PTGES3: variants seen among roughly 807,000 people sequenced by gnomAD.
The protein encoded by PTGES3 is Hsp90 co-chaperone.
In PTGES3, 5 loss-of-function variants were observed where a neutral mutation model predicts 29.9. The ratio of observed to expected loss-of-function variants is 0.17; its 90% CI spans 0.09 to 0.35. PTGES3 has a LOEUF of 0.35. Among genes scored for constraint, PTGES3 ranks in the 10% least tolerant of loss-of-function variants. The probability of loss-of-function intolerance (pLI) is 1.00; values close to 1 mark genes in which losing one functional copy is unlikely to be tolerated. For synonymous variants in PTGES3, 49 were observed against 57.8 expected, an observed-to-expected ratio of 0.85 and a Z score of 0.69; for missense variants, 128 against 190.0, an observed-to-expected ratio of 0.67 and a Z score of 1.92.
intron 1 of PTGES3, among the ~76,000 whole-genome samples, chr12:56,680,379 T>C (rs1952474081): frequency 6.7e-6 from 1 of 148,834 alleles, no homozygotes; most frequent in African/African-American, 2.5e-5. Context: ...CCAACCCAAT[T>C]TTCTTTCTTT....
At chr12:56,665,405 C>G in intron 6 of PTGES3, 1 of 863,540 alleles carries the variant, frequency 1.2e-6, no homozygotes, top group Non-Finnish European at 1.4e-6. Flanking sequence ...AGCGATTCTC[C>G]TGCCTCAGCC....
At chr12:56,675,568 G>C (rs973905410) in intron 1 of PTGES3, among the ~76,000 whole-genome samples, 1 of 150,520 alleles carries the variant, frequency 6.6e-6, no homozygotes, top group Non-Finnish European at 1.5e-5. Flanking sequence ...GATATTTGTG[G>C]CCTGCAAAGC....
At position 56,677,966 on chromosome 12, in the gene PTGES3, T is replaced by C. The variant is rs550737479; in HGVS notation, c.3-4901A>G. Among the ~76,000 whole-genome samples the C allele has an allele frequency of 1.5e-3, 229 of 152,250 alleles. 1 individual carries two copies. The highest frequency in any genetic ancestry group is 5.3e-3 in the African/African-American group (219 of 41,558). On this transcript the variant is annotated intron_variant, in intron 1 of 7. Coordinates refer to ENST00000262033, the MANE Select transcript of PTGES3 (RefSeq NM_006601.7). ...TAGCAGGTTTATTCAGAAAGTTTTATAGTACTACAGCTGATTACAGAAGAT... is the reference window on the plus strand; with the variant it reads ...TAGCAGGTTTATTCAGAAAGTTTTACAGTACTACAGCTGATTACAGAAGAT...
At chr12:56,681,800 T>G (rs1159189078) in intron 1 of PTGES3, among the ~76,000 whole-genome samples, 1 of 151,382 alleles carries the variant, frequency 6.6e-6, no homozygotes, top group Non-Finnish European at 1.5e-5. Context: ...GAGCTTGCAG[T>G]GAGCCGAAAT....
intron 1 of PTGES3, among the ~76,000 whole-genome samples, chr12:56,681,920 C>T (rs1222439903): frequency 3.9e-5 from 6 of 152,064 alleles, no homozygotes; most frequent in Non-Finnish European, 8.8e-5. Context: ...TCTCGGCTCA[C>T]TGCAACCTCC....
intron 1 of PTGES3, among the ~76,000 whole-genome samples, chr12:56,680,069 T>C (rs937052660): frequency 1.3e-5 from 2 of 148,242 alleles, no homozygotes; most frequent in Admixed American, 6.7e-5. Flanking sequence ...TTTTGTTTTA[T>C]TGGTTTTGGT....
intron 5 of PTGES3, 32 bp from the exon 6 acceptor site, chr12:56,666,298 T>C (rs777419585): frequency 2.5e-6 from 4 of 1,596,946 alleles, no homozygotes; most frequent in Middle Eastern, 1.7e-4. Flanking sequence ...GTTTTAAAAA[T>C]GATGTTAAGT....
rs749376480 is a variant in PTGES3, at chr12:56,666,001, G to C, written c.438+203C>G. On this transcript the variant is annotated intron_variant, in intron 6 of 7. Transcript: ENST00000262033. Reference sequence around the variant, plus strand: ...ATTCTTTGGAAATCTAATCCATTTAGGAATGGTCTACGGTACAACCAGTTC... The same window carrying C: ...ATTCTTTGGAAATCTAATCCATTTACGAATGGTCTACGGTACAACCAGTTC... The C allele has an allele frequency of 8.8e-4, 1,158 of 1,309,062 alleles. 1 individual carries two copies. Among genetic ancestry groups the C allele is most frequent in the East Asian group, 1.5e-3 (50 of 32,372 alleles). The allele number at this position is 1,309,062 out of a possible 1,614,324, so 81.1% of individuals were successfully genotyped here. A position where few individuals can be genotyped will look rare whatever the true frequency, so the allele number is the denominator to read the frequency against.
At chr12:56,687,131 C>T (rs1952911326) in intron 1 of PTGES3, 3 of 837,972 alleles carry the variant, frequency 3.6e-6, no homozygotes, top group Non-Finnish European at 4.6e-6. Flanking sequence ...ATGAAGACTG[C>T]CATAGAATCT....
chr12:56,687,832 TC>T, intron 1 of PTGES3, 165 bp downstream of exon 1: 1 of 1,462,702 alleles, frequency 6.8e-7, no homozygotes, highest in Non-Finnish European at 9.0e-7. Flanking sequence ...AAAAATGTCC[TC>T]CACCCGCCAA....
At chr12:56,669,989 G>C (rs908173810) in intron 5 of PTGES3, among the ~76,000 whole-genome samples, 25 of 106,684 alleles carry the variant, frequency 2.3e-4, no homozygotes, top group Non-Finnish European at 4.1e-4. Flanking sequence ...AAAAAAAAAA[G>C]TCCCAATGAT....
chr12:56,684,811 T>C (rs79996417), intron 1 of PTGES3, among the ~76,000 whole-genome samples: 97 of 152,306 alleles, frequency 6.4e-4, no homozygotes, highest in African/African-American at 2.3e-3. Flanking sequence ...TAAGAGCTTT[T>C]ATGTAAATTA....
intron 1 of PTGES3, among the ~76,000 whole-genome samples, chr12:56,673,481 T>G: frequency 6.1e-5 from 1 of 16,328 alleles, no homozygotes; most frequent in Non-Finnish European, 1.1e-4. Flanking sequence ...CAAATACAAA[T>G]ACGGAAAAAA....
At position 56,671,787 on chromosome 12, in the gene PTGES3, C is replaced by T; in HGVS notation, c.247G>A (p.Gly83Ser). ...ILCCLRKGES[G>S]QSWPRLTKER... ...TTTGTTAACCTTGGCCATGACTGGCCAGATTCTCCTTTTCGTAAACAACAT... is the reference window on the plus strand; with the variant it reads ...TTTGTTAACCTTGGCCATGACTGGCTAGATTCTCCTTTTCGTAAACAACAT... The change falls in exon 4 of 8, where the codon GGC (glycine) becomes AGC (serine). Residue 83 changes from glycine (G) to serine (S), a missense_variant. Coordinates refer to ENST00000262033, the MANE Select transcript of PTGES3 (RefSeq NM_006601.7). The T allele has an allele frequency of 2.5e-6, 4 of 1,575,306 alleles. No individual in the cohort carries two copies. The highest frequency in any genetic ancestry group is 3.4e-6 in the Non-Finnish European group (4 of 1,159,720).
At chr12:56,678,133 G>A (rs1952353679) in intron 1 of PTGES3, among the ~76,000 whole-genome samples, 1 of 152,022 alleles carries the variant, frequency 6.6e-6, no homozygotes, top group African/African-American at 2.4e-5. Context: ...TTCCATAGCA[G>A]AACTTTGATG....
At chr12:56,668,031 C>T (rs1419352880) in intron 5 of PTGES3, among the ~76,000 whole-genome samples, 1 of 152,060 alleles carries the variant, frequency 6.6e-6, no homozygotes, top group Non-Finnish European at 1.5e-5. Context: ...TTGCTTGAAC[C>T]CAGGAGGTGG....
intron 1 of PTGES3, among the ~76,000 whole-genome samples, chr12:56,675,306 GAA>G (rs1952185847): frequency 6.7e-6 from 1 of 149,286 alleles, no homozygotes; most frequent in Non-Finnish European, 1.5e-5. Context: ...TCTCAAAAAA[GAA>G]AAAGAAAAAG....
intron 1 of PTGES3, among the ~76,000 whole-genome samples, chr12:56,678,813 C>T (rs1221168142): frequency 6.6e-6 from 1 of 152,160 alleles, no homozygotes; most frequent in Non-Finnish European, 1.5e-5. Flanking sequence ...CTTAGAAATG[C>T]TTGTCACATC....
chr12:56,664,742 T>C, intron 7 of PTGES3, 34 bp downstream of exon 7: 1 of 1,570,866 alleles, frequency 6.4e-7, no homozygotes, highest in Non-Finnish European at 8.7e-7. Context: ...ATGCAAAGTA[T>C]CACTGTATAA....
Sources: gnomAD v4.1 joint callset for allele counts (sites outside exome capture counted in the v4.1 genomes callset) on GRCh38, gnomAD v4.1.1 for gene constraint, MANE v1.5 for transcripts, NCBI Gene and HGNC (gene_info 2026-07-23, HGNC 2026-07-21) for gene names.